CDH20: variants seen among roughly 807,000 people sequenced by gnomAD.
CDH20 encodes the protein cadherin-20.
A neutral mutation model predicts 74.2 loss-of-function variants in CDH20; 29 were observed. The observed-to-expected ratio is 0.39, with a 90% CI of 0.29 to 0.53. CDH20 has a LOEUF of 0.53. Among genes scored for constraint, CDH20 ranks in the 20% least tolerant of loss-of-function variants. CDH20 has a pLI of 0.69. For missense variants in CDH20, 988 were observed against 1,048.3 expected, an observed-to-expected ratio of 0.94 and a Z score of 0.79; for synonymous variants, 469 against 405.4, an observed-to-expected ratio of 1.16 and a Z score of -1.88.
At chr18:61,545,520 G>A (rs1406791133) in intron 10 of CDH20, among the ~76,000 whole-genome samples, 3 of 152,104 alleles carry the variant, frequency 2.0e-5, no homozygotes, top group Non-Finnish European at 2.9e-5. Context: ...TGCCTGTCCC[G>A]TGCCAGAAAC....
At chr18:61,494,806 A>G (rs972540723) in intron 2 of CDH20, among the ~76,000 whole-genome samples, 11 of 152,186 alleles carry the variant, frequency 7.2e-5, no homozygotes, top group African/African-American at 2.7e-4. Flanking sequence ...TTGTGCACGA[A>G]TCTGTGGGTC....
chr18:61,474,200 C>A (rs892374273), intron 1 of CDH20, among the ~76,000 whole-genome samples: 1 of 152,172 alleles, frequency 6.6e-6, no homozygotes, highest in South Asian at 2.1e-4. Flanking sequence ...CCCTAAGCAA[C>A]CTGTCCCAGT....
chr18:61,544,473 C>T (rs1913155954), intron 9 of CDH20, among the ~76,000 whole-genome samples: 1 of 152,316 alleles, frequency 6.6e-6, no homozygotes, highest in South Asian at 2.1e-4. Flanking sequence ...CTGAGTGCAA[C>T]GTTTATTGAG....
chr18:61,499,229 T>G lies in CDH20; in HGVS notation c.290T>G (p.Ile97Ser). ...AGGGGAGACGGATCCATCAAATACA[T>G]CCTCTCGGGAGAAGGTGCTGGCATC... ...MDRGDGSIKY[I>S]LSGEGAGIVF... Residue 97 changes from isoleucine (I) to serine (S), a missense_variant, in exon 3 of 12, where the codon ATC (isoleucine) becomes AGC (serine). Physicochemically the swap from Ile to Ser is moderately radical, Grantham distance 142 (BLOSUM62 -2). Around this residue, in one of 2 missense-constraint regions of CDH20, gnomAD observed 613 missense variants for 755.2 expected, o/e 0.81. Transcript: ENST00000262717. 1 of 1,609,284 alleles carries G rather than the reference T, an allele frequency of 6.2e-7. No homozygotes were observed. Among genetic ancestry groups the G allele is most frequent in the Non-Finnish European group, 8.5e-7 (1 of 1,176,974 alleles).
intron 1 of CDH20, among the ~76,000 whole-genome samples, chr18:61,425,272 T>A (rs1913032573): frequency 6.6e-6 from 1 of 152,192 alleles, no homozygotes; most frequent in Non-Finnish European, 1.5e-5. Flanking sequence ...AGGTTTGTTC[T>A]CCAGCACAGG....
intron 1 of CDH20, among the ~76,000 whole-genome samples, chr18:61,488,007 CAT>C (rs1910825495): frequency 6.6e-6 from 1 of 151,946 alleles, no homozygotes; most frequent in Admixed American, 6.6e-5. Flanking sequence ...AAATAACAGA[CAT>C]GTGTGCTTAG....
At chr18:61,445,497 T>G (rs1909170189) in intron 1 of CDH20, among the ~76,000 whole-genome samples, 1 of 152,206 alleles carries the variant, frequency 6.6e-6, no homozygotes, top group South Asian at 2.1e-4. Flanking sequence ...TACTTCCAAA[T>G]GTCACAACAA....
chr18:61,364,434 T>C (rs1187674181), intron 1 of CDH20, among the ~76,000 whole-genome samples: 1 of 152,164 alleles, frequency 6.6e-6, no homozygotes, highest in East Asian at 1.9e-4. Context: ...TGCCTTAGCC[T>C]CCCTAGTAGC....
intron 1 of CDH20, among the ~76,000 whole-genome samples, chr18:61,419,934 G>A (rs902514512): frequency 6.6e-6 from 1 of 152,088 alleles, no homozygotes; most frequent in Admixed American, 6.5e-5. Context: ...GAGCTTTTCT[G>A]CCCTCCCCCA....
At chr18:61,388,736 TC>T (rs1911678310) in intron 1 of CDH20, among the ~76,000 whole-genome samples, 1 of 152,168 alleles carries the variant, frequency 6.6e-6, no homozygotes, top group Admixed American at 6.6e-5. Context: ...AGAAATTCTT[TC>T]AGGTATTTTA....
chr18:61,415,437 T>C (rs576217777), intron 1 of CDH20, among the ~76,000 whole-genome samples: 2 of 152,284 alleles, frequency 1.3e-5, no homozygotes, highest in Admixed American at 1.3e-4. Context: ...TTTGTGTGAG[T>C]CCCATCACAA....
intron 1 of CDH20, among the ~76,000 whole-genome samples, chr18:61,345,785 C>T (rs747782520): frequency 1.3e-5 from 2 of 152,044 alleles, no homozygotes; most frequent in Non-Finnish European, 2.9e-5. Flanking sequence ...GGATAGAGTG[C>T]GAACTAGGAG....
chr18:61,391,913 C>T (rs1911797868), intron 1 of CDH20, among the ~76,000 whole-genome samples: 1 of 152,002 alleles, frequency 6.6e-6, no homozygotes, highest in East Asian at 1.9e-4. Context: ...CCCCTTCCTC[C>T]ATCTCCTTCA....
chr18:61,366,539 T>C (rs538225884), intron 1 of CDH20, among the ~76,000 whole-genome samples: 1 of 152,324 alleles, frequency 6.6e-6, no homozygotes, highest in South Asian at 2.1e-4. Context: ...TTTGATTTTT[T>C]AAAAGATTAG....
chr18:61,345,955 G>C (rs1345493266), intron 1 of CDH20, among the ~76,000 whole-genome samples: 1 of 152,184 alleles, frequency 6.6e-6, no homozygotes, highest in Admixed American at 6.5e-5. Flanking sequence ...TATGAGCACT[G>C]AAGAATATTC....
intron 11 of CDH20, among the ~76,000 whole-genome samples, chr18:61,552,657 C>T (rs1210169637): frequency 6.6e-6 from 1 of 152,172 alleles, no homozygotes; most frequent in Non-Finnish European, 1.5e-5. Flanking sequence ...GCTCTAACAG[C>T]CCTTATCACT....
intron 10 of CDH20, among the ~76,000 whole-genome samples, chr18:61,548,985 C>G (rs1418270627): frequency 2.0e-5 from 3 of 152,216 alleles, no homozygotes; most frequent in African/African-American, 7.2e-5. Context: ...GTTCTAGACT[C>G]TTTCCTATGA....
In CDH20 at chr18:61,525,996, G is replaced by T. The variant is rs1294424199; in HGVS notation, c.1018-1971G>T. Among the ~76,000 whole-genome samples, 15 of 110,222 alleles carry T rather than the reference G, an allele frequency of 1.4e-4. No homozygotes were observed. The South Asian group carries it at 4.2e-3, about 31-fold the overall frequency. 72.3% of individuals were successfully genotyped at this position (110,222 alleles called of 152,430 possible). A position where few individuals can be genotyped will look rare whatever the true frequency, so the allele number is the denominator to read the frequency against. On this transcript the variant is annotated intron_variant, in intron 6 of 11. Transcript: ENST00000262717. Reference sequence around the variant, plus strand: ...TTTTTTTTTTTTTTTTTTTGGTAGCGATGTAGGTCTCATTAGGTTGTCTTG... The same window carrying T: ...TTTTTTTTTTTTTTTTTTTGGTAGCTATGTAGGTCTCATTAGGTTGTCTTG...
chr18:61,360,926 T>G (rs1202193241), intron 1 of CDH20, among the ~76,000 whole-genome samples: 1 of 152,250 alleles, frequency 6.6e-6, no homozygotes, highest in African/African-American at 2.4e-5. Flanking sequence ...ATGTTATATT[T>G]CTCATACTGA....
Sources: gnomAD v4.1 joint callset for allele counts (sites outside exome capture counted in the v4.1 genomes callset) on GRCh38, gnomAD v4.1.1 for gene constraint, gnomAD v4.1.1 regional missense constraint, MANE v1.5 for transcripts, NCBI Gene and HGNC (gene_info 2026-07-23, HGNC 2026-07-21) for gene names.